The following FAXC variants were observed in gnomAD, a reference collection of about 807,000 sequenced individuals.
FAXC encodes the protein failed axon connections homolog, metaxin like GST domain containing, also known as failed axon connections homolog.
FAXC carries 10 observed loss-of-function variants against 41.9 expected under a neutral mutation model. That is an observed-to-expected ratio of 0.24 (90% CI 0.15 to 0.41). The LOEUF (loss-of-function observed/expected upper bound fraction) is 0.41. FAXC is among the 10% of genes least tolerant of loss of function. The pLI is 1.00. For synonymous variants in FAXC, 183 were observed against 183.8 expected (o/e 1.00, Z 0.03); for missense variants, 399 against 510.9 (o/e 0.78, Z 2.11).
chr6:99,285,741 G>A (rs1323606624), intron 5 of FAXC, among the ~76,000 whole-genome samples: 3 of 152,126 alleles, frequency 2.0e-5, no homozygotes, highest in Non-Finnish European at 4.4e-5. Flanking sequence ...TCAGAAAGCC[G>A]AATGCCCCCC....
intron 3 of FAXC, among the ~76,000 whole-genome samples, chr6:99,328,299 T>A (rs1582673610): frequency 6.6e-6 from 1 of 152,180 alleles, no homozygotes; most frequent in East Asian, 1.9e-4. Flanking sequence ...GATTAGGTCA[T>A]AAGGGCAGAG....
Position 99,274,090 on chromosome 6 carries a change from C to T in FAXC, c.*7074G>A, listed in dbSNP as rs369661153. The T allele has an allele frequency of 5.3e-5, 8 of 152,000 alleles. No homozygotes were observed. The East Asian group carries it at 9.7e-4, about 18-fold the overall frequency. 9.4% of individuals were successfully genotyped at this position (152,000 alleles called of 1,614,324 possible). ...TATTTATAAAATGAAAAATATATGC[C>T]ACAAACACTCTTGAGAGACTAGAAG... is the stretch of plus-strand genomic sequence containing the variant. On this transcript the variant is annotated 3_prime_UTR_variant, in exon 6 of 6. Coordinates refer to ENST00000389677, the MANE Select transcript of FAXC (RefSeq NM_032511.4).
chr6:99,328,897 T>C (rs1772927203), intron 3 of FAXC, among the ~76,000 whole-genome samples: 1 of 152,188 alleles, frequency 6.6e-6, no homozygotes, highest in African/African-American at 2.4e-5. Context: ...AATTATTGAT[T>C]AAATGAAAAA....
chr6:99,343,084 C>T (rs181267784), intron 1 of FAXC, 51 bp from the exon 2 acceptor site: 30 of 1,529,570 alleles, frequency 2.0e-5, no homozygotes, highest in Admixed American at 1.9e-4. Context: ...TATCCACATT[C>T]GGTTCCCTTA....
intron 4 of FAXC, among the ~76,000 whole-genome samples, chr6:99,319,398 CAAAAAAAAAAAAAAA>C (rs57370118): frequency 2.1e-5 from 1 of 47,682 alleles, no homozygotes; most frequent in African/African-American, 6.4e-5. Context: ...GACTCCGTCT[CAAAAAAAAAAAAAAA>C]AAAAAAAAAG....
At position 99,344,955 on chromosome 6, in the gene FAXC, T is replaced by C. The variant is rs145119866; in HGVS notation, c.267-1922A>G. Reference sequence around the variant, plus strand: ...TATGCTAATGACTTTATATATATTATATATGTTAACTTATTTAATTCTGAC... The same window carrying C: ...TATGCTAATGACTTTATATATATTACATATGTTAACTTATTTAATTCTGAC... On this transcript the variant is annotated intron_variant, in intron 1 of 5. Transcript: ENST00000389677. Among the ~76,000 whole-genome samples, 570 of 152,350 alleles carry C rather than the reference T, an allele frequency of 3.7e-3. 3 individuals are homozygous for C. The highest frequency in any genetic ancestry group is 0.013 in the African/African-American group (545 of 41,586).
At chr6:99,336,930 G>A (rs998578764) in intron 2 of FAXC, among the ~76,000 whole-genome samples, 14 of 152,166 alleles carry the variant, frequency 9.2e-5, no homozygotes, top group African/African-American at 3.4e-4. Flanking sequence ...CTCTGCCCAG[G>A]AGCTATCTGG....
chr6:99,284,396 TAA>T (rs1408716365), intron 5 of FAXC, among the ~76,000 whole-genome samples: 1 of 152,156 alleles, frequency 6.6e-6, no homozygotes, highest in Non-Finnish European at 1.5e-5. Flanking sequence ...CTGCCCATGA[TAA>T]AGAGTGAAAC....
At chr6:99,286,235 T>C (rs1771024866) in intron 5 of FAXC, among the ~76,000 whole-genome samples, 1 of 152,168 alleles carries the variant, frequency 6.6e-6, no homozygotes, top group Non-Finnish European at 1.5e-5. Context: ...CTAAAATACT[T>C]GAATACTGTA....
At chr6:99,349,963 C>G (rs1356947637), upstream of FAXC, 1 of 152,154 alleles carries the variant, frequency 6.6e-6, no homozygotes, top group Non-Finnish European at 1.5e-5. Context: ...GGCCCTCCGC[C>G]TGCGCTCCAG....
At chr6:99,314,446 C>T (rs937646814) in intron 4 of FAXC, among the ~76,000 whole-genome samples, 52 of 152,216 alleles carry the variant, frequency 3.4e-4, no homozygotes, top group Middle Eastern at 3.4e-3. Flanking sequence ...TGGTAGCACA[C>T]GCCTGTGGTC....
chr6:99,296,912 A>T (rs1161718749), intron 4 of FAXC, among the ~76,000 whole-genome samples: 3 of 152,178 alleles, frequency 2.0e-5, no homozygotes, highest in Non-Finnish European at 4.4e-5. Flanking sequence ...TGGGTGGTTT[A>T]GGCAGCTCCT....
intron 4 of FAXC, among the ~76,000 whole-genome samples, chr6:99,305,727 A>T (rs13200397): frequency 1.7e-4 from 22 of 129,004 alleles, no homozygotes; most frequent in Admixed American, 5.4e-4. Flanking sequence ...TATATATATT[A>T]TATATAGTTT....
In FAXC at chr6:99,349,127, G is replaced by A. The variant is rs762265484; in HGVS notation, c.246C>T (p.Leu82=). Reference sequence around the variant, plus strand: ...CTCACCTAATGACCAGGAGTTCGTGGAGCAGATACGCAGCTGCGGCCAGCA... The same window carrying A: ...CTCACCTAATGACCAGGAGTTCGTGAAGCAGATACGCAGCTGCGGCCAGCA... The part of the protein sequence containing the change: ...GALLAAAAYL[L]HELLVIRKQQ... The change falls in exon 1 of 6, where the codon CTC becomes CTT. Residue 82 remains leucine, a synonymous_variant. Coordinates refer to ENST00000389677, the MANE Select transcript of FAXC (RefSeq NM_032511.4). 2.5e-6 allele frequency: 4 copies of A among 1,613,658 alleles called. No homozygotes were observed. The highest frequency in any genetic ancestry group is 1.1e-5 in the South Asian group (1 of 91,084).
At chr6:99,317,177 AT>A (rs58725351) in intron 4 of FAXC, among the ~76,000 whole-genome samples, 105,266 of 151,382 alleles carry the variant, frequency 0.7, 37,203 homozygotes, top group East Asian at 0.95. Flanking sequence ...TGGAAATCAG[AT>A]TTTTTTTTTC....
intron 4 of FAXC, among the ~76,000 whole-genome samples, chr6:99,298,796 T>C (rs1378720550): frequency 1.3e-5 from 2 of 152,190 alleles, no homozygotes; most frequent in Non-Finnish European, 2.9e-5. Context: ...GGAGGTGCTA[T>C]TCTAACATAA....
intron 5 of FAXC, among the ~76,000 whole-genome samples, chr6:99,286,917 A>G (rs1208285365): frequency 6.6e-6 from 1 of 152,238 alleles, no homozygotes; most frequent in Non-Finnish European, 1.5e-5. Flanking sequence ...GCTCATGAGA[A>G]TATAAATTGT....
At chr6:99,336,463 T>C (rs575797792) in intron 2 of FAXC, among the ~76,000 whole-genome samples, 1 of 152,350 alleles carries the variant, frequency 6.6e-6, no homozygotes, top group South Asian at 2.1e-4. Context: ...TATTTTTATT[T>C]AAGCAATTAG....
chr6:99,278,300 A>G lies in FAXC; in HGVS notation c.*2864T>C, dbSNP rs1770701110. 1 of 152,202 alleles carries G rather than the reference A, an allele frequency of 6.6e-6. No individual in the cohort carries two copies. The highest frequency in any genetic ancestry group is 1.5e-5 in the Non-Finnish European group (1 of 68,036). 9.4% of individuals were successfully genotyped at this position (152,202 alleles called of 1,614,324 possible). A position where few individuals can be genotyped will look rare whatever the true frequency, so the allele number is the denominator to read the frequency against. On this transcript the variant is annotated 3_prime_UTR_variant, in exon 6 of 6. Coordinates refer to ENST00000389677, the MANE Select transcript of FAXC (RefSeq NM_032511.4). Reference sequence around the variant, plus strand: ...TTAATCTTGTTGAGTGGGGGTACAGATGGGCAAAGAGAGGTGGATGCAAGA... The same window carrying G: ...TTAATCTTGTTGAGTGGGGGTACAGGTGGGCAAAGAGAGGTGGATGCAAGA...
Sources: gnomAD v4.1 joint callset for allele counts (sites outside exome capture counted in the v4.1 genomes callset) on GRCh38, gnomAD v4.1.1 for gene constraint, MANE v1.5 for transcripts, NCBI Gene and HGNC (gene_info 2026-07-23, HGNC 2026-07-21) for gene names.